Variants in NF2 observed in about 807,000 individuals in gnomAD.
NF2 encodes the protein NF2, moesin-ezrin-radixin like (MERLIN) tumor suppressor, also known as merlin.
A neutral mutation model predicts 83.7 loss-of-function variants in NF2; 8 were observed. The observed-to-expected ratio is 0.10, with a 90% CI of 0.06 to 0.17. NF2 has a LOEUF of 0.17. NF2 is among the 10% of genes least tolerant of loss of function. The probability of loss-of-function intolerance (pLI) is 1.00; values close to 1 mark genes in which losing one functional copy is unlikely to be tolerated. For missense variants in NF2, 533 were observed against 744.4 expected, an observed-to-expected ratio of 0.72 and a Z score of 3.31; for synonymous variants, 266 against 269.6, an observed-to-expected ratio of 0.99 and a Z score of 0.13.
At position 29,639,121 on chromosome 22, in the gene NF2, C is replaced by G. The variant is rs1569281659; in HGVS notation, c.272C>G (p.Pro91Arg). ...VLDHDVSKEE[P>R]VTFHFLAKFY... ...GATCATGATGTTTCAAAGGAAGAAC[C>G]AGTCACCTTTCACTTCTTGGCCAAA... is the stretch of plus-strand genomic sequence containing the variant. The change falls in exon 3 of 16, where the codon CCA becomes CGA. Residue 91 changes from proline to arginine, a missense_variant. By Grantham distance (103) the Pro-to-Arg change is moderately radical. Around this residue, in one of 3 missense-constraint regions of NF2, gnomAD observed 326 missense variants for 475.1 expected, o/e 0.69. Coordinates refer to ENST00000338641, the MANE Select transcript of NF2 (RefSeq NM_000268.4). 1 of 1,614,184 alleles carries G rather than the reference C, an allele frequency of 6.2e-7. No individual in the cohort carries two copies. Among genetic ancestry groups the G allele is most frequent in the Non-Finnish European group, 8.5e-7 (1 of 1,180,020 alleles).
intron 4 of NF2, among the ~76,000 whole-genome samples, chr22:29,643,144 T>C (rs1337477933): frequency 6.6e-6 from 1 of 152,054 alleles, no homozygotes; most frequent in Non-Finnish European, 1.5e-5. Context: ...ATTTTATTTA[T>C]GTTTTATTTG....
At chr22:29,688,717 G>C (rs2067326325) in intron 15 of NF2, among the ~76,000 whole-genome samples, 1 of 152,250 alleles carries the variant, frequency 6.6e-6, no homozygotes, top group South Asian at 2.1e-4. Flanking sequence ...TTCAGTGGCA[G>C]ATTTCTCTTG....
At chr22:29,640,272 C>A (rs2065771189) in intron 3 of NF2, among the ~76,000 whole-genome samples, 1 of 150,078 alleles carries the variant, frequency 6.7e-6, no homozygotes. Flanking sequence ...TGTGGTACTT[C>A]AGACATCGTG....
intron 15 of NF2, among the ~76,000 whole-genome samples, chr22:29,688,195 C>G (rs918233590): frequency 1.3e-5 from 2 of 152,176 alleles, no homozygotes; most frequent in Non-Finnish European, 2.9e-5. Context: ...GTTGAAGAGC[C>G]TACAAACCTG....
At chr22:29,675,090 G>A in intron 13 of NF2, 149 bp downstream of exon 13, 1 of 689,490 alleles carries the variant, frequency 1.5e-6, no homozygotes, top group African/African-American at 1.8e-5. Flanking sequence ...CTGCAGTTAG[G>A]GACTGGGTAG....
intron 4 of NF2, among the ~76,000 whole-genome samples, chr22:29,644,475 G>T (rs1276836781): frequency 6.7e-6 from 1 of 150,256 alleles, no homozygotes; most frequent in African/African-American, 2.4e-5. Flanking sequence ...CATCCCAGAC[G>T]ATGGGCGGCC....
Position 29,639,106 on chromosome 22 carries a change from T to C in NF2, c.257T>C (p.Val86Ala). 6.2e-7 allele frequency: 1 copy of C among 1,614,180 alleles called. No homozygotes were observed. ...ATTCTGCAGGTACTGGATCATGATG[T>C]TTCAAAGGAAGAACCAGTCACCTTT... is the stretch of plus-strand genomic sequence containing the variant. The part of the protein sequence containing the change: ...KMDKKVLDHD[V>A]SKEEPVTFHF... The change falls in exon 3 of 16, where the codon GTT (valine) becomes GCT (alanine). Residue 86 changes from valine (V) to alanine (A), a missense_variant. Transcript: ENST00000338641.
Position 29,671,961 on chromosome 22 carries a change from G to A in NF2, c.1122+13G>A, listed in dbSNP as rs2147074535. The A allele has an allele frequency of 6.2e-7, 1 of 1,614,186 alleles. No homozygotes were observed. The highest frequency in any genetic ancestry group is 8.5e-7 in the Non-Finnish European group (1 of 1,180,030). On this transcript the variant is annotated intron_variant, in intron 11 of 15. Coordinates refer to ENST00000338641, the MANE Select transcript of NF2 (RefSeq NM_000268.4). ...CAACGAAGCACTGGTGATTTCTGAGGGGCTGGGGTTCCAGGAGGCTACTTG... is the reference window on the plus strand; with the variant it reads ...CAACGAAGCACTGGTGATTTCTGAGAGGCTGGGGTTCCAGGAGGCTACTTG...
At chr22:29,692,329 G>C (rs1601685199) in intron 15 of NF2, among the ~76,000 whole-genome samples, 2 of 152,300 alleles carry the variant, frequency 1.3e-5, no homozygotes. Context: ...CGAAGCTCCT[G>C]CTCTTGCAAG....
intron 13 of NF2, among the ~76,000 whole-genome samples, chr22:29,677,058 A>G (rs1222799526): frequency 7.9e-6 from 1 of 127,156 alleles, no homozygotes; most frequent in Non-Finnish European, 1.9e-5. Flanking sequence ...TGAATGTTCC[A>G]AGCCTCTGCT....
chr22:29,618,015 A>G (rs899206151), intron 1 of NF2, among the ~76,000 whole-genome samples: 3 of 152,358 alleles, frequency 2.0e-5, no homozygotes, highest in Non-Finnish European at 4.4e-5. Flanking sequence ...TCCCTGGCAG[A>G]AAGGAAGATA....
chr22:29,671,711 G>T, intron 10 of NF2, 115 bp from the exon 11 acceptor site: 1 of 1,467,028 alleles, frequency 6.8e-7, no homozygotes, highest in Non-Finnish European at 9.4e-7. Context: ...CTAAAGGAAA[G>T]GGAAGGAAAA....
intron 1 of NF2, among the ~76,000 whole-genome samples, chr22:29,610,038 A>AGG (rs1195524561): frequency 6.6e-6 from 1 of 151,516 alleles, no homozygotes; most frequent in Non-Finnish European, 1.5e-5. Flanking sequence ...ATAATTAGAG[A>AGG]GAGAGAGAGA....
At chr22:29,670,352 A>G (rs2066746785) in intron 10 of NF2, among the ~76,000 whole-genome samples, 2 of 151,996 alleles carry the variant, frequency 1.3e-5, no homozygotes, top group Non-Finnish European at 2.9e-5. Flanking sequence ...TTTTAAAAGA[A>G]TTGTAGATAT....
chr22:29,698,425 C>T lies in NF2; in HGVS notation c.*3623C>T, dbSNP rs1049464421. The T allele has an allele frequency of 3.4e-4, 75 of 221,416 alleles. No homozygotes were observed. The highest frequency in any genetic ancestry group is 6.1e-4 in the Non-Finnish European group (67 of 110,526). 13.7% of individuals were successfully genotyped at this position (221,416 alleles called of 1,614,324 possible). The stretch of plus-strand genomic sequence containing the variant: ...CAGTGACCCTGGGCCCAAGCCAGCC[C>T]CTCCAGGGCTTTCAGGGAAGCGCCA... On this transcript the variant is annotated 3_prime_UTR_variant, in exon 16 of 16. Transcript: ENST00000338641.
rs1170477229 is a variant in NF2 at position 29,696,699 on chromosome 22, A to C, written c.*1897A>C. The C allele has an allele frequency of 9.1e-6, 2 of 220,654 alleles. No homozygotes were observed. Among genetic ancestry groups the C allele is most frequent in the Non-Finnish European group, 1.8e-5 (2 of 110,238 alleles). 13.7% of individuals were successfully genotyped at this position (220,654 alleles called of 1,614,324 possible). On this transcript the variant is annotated 3_prime_UTR_variant, in exon 16 of 16. Coordinates refer to ENST00000338641, the MANE Select transcript of NF2 (RefSeq NM_000268.4). ...GGTGGGACTCCAGACCTAGAGCGTA[A>C]GTATGGATGTTGTGGCCCTGTGTCT...
At chr22:29,675,938 G>A (rs1473792398) in intron 13 of NF2, among the ~76,000 whole-genome samples, 1 of 152,150 alleles carries the variant, frequency 6.6e-6, no homozygotes, top group Non-Finnish European at 1.5e-5. Context: ...TAAGCAGTTT[G>A]CTGTTGCCGT....
intron 1 of NF2, among the ~76,000 whole-genome samples, chr22:29,620,409 G>A (rs2065187050): frequency 6.6e-6 from 1 of 151,984 alleles, no homozygotes; most frequent in East Asian, 1.9e-4. Flanking sequence ...GACAGAGTGA[G>A]ACTCTGTCTC....
chr22:29,690,723 A>C (rs1179756491), intron 15 of NF2, among the ~76,000 whole-genome samples: 1 of 152,224 alleles, frequency 6.6e-6, no homozygotes, highest in Non-Finnish European at 1.5e-5. Flanking sequence ...CACACGGCTG[A>C]TTCTAATCAG....
Sources: allele counts gnomAD v4.1 joint callset (sites outside exome capture counted in the v4.1 genomes callset), GRCh38; gene constraint gnomAD v4.1.1; regional missense constraint gnomAD v4.1.1; transcripts MANE v1.5; gene names NCBI Gene and HGNC (gene_info 2026-07-23, HGNC 2026-07-21).